Variants in PTPRD observed in about 807,000 individuals in gnomAD.
The protein encoded by PTPRD is protein tyrosine phosphatase receptor type D.
Under a neutral mutation model 214.5 loss-of-function variants are expected in PTPRD, and 34 were observed. That is an observed-to-expected ratio of 0.16 (90% confidence interval 0.12 to 0.21). The LOEUF is 0.21. PTPRD is among the 10% of genes least tolerant of loss of function. The pLI is 1.00. For missense variants in PTPRD, 2,545 were observed against 2,398.7 expected, an observed-to-expected ratio of 1.06 and a Z score of -1.27; for synonymous variants, 1,128 against 845.7, an observed-to-expected ratio of 1.33 and a Z score of -5.79.
chr9:9,892,021 G>A (rs946702244), intron 5 of PTPRD, among the ~76,000 whole-genome samples: 7 of 152,032 alleles, frequency 4.6e-5, no homozygotes, highest in Non-Finnish European at 4.4e-5. Context: ...AAAATAAGTT[G>A]AGAAGTCACT....
intron 2 of PTPRD, among the ~76,000 whole-genome samples, chr9:10,360,331 A>C (rs1323928925): frequency 1.3e-5 from 2 of 152,172 alleles, no homozygotes; most frequent in Non-Finnish European, 2.9e-5. Context: ...ACATCACAAA[A>C]CTCATCACAA....
intron 14 of PTPRD, among the ~76,000 whole-genome samples, chr9:8,560,456 C>T (rs897048861): frequency 1.4e-5 from 2 of 138,116 alleles, no homozygotes; most frequent in African/African-American, 3.2e-5. Flanking sequence ...CACACACACA[C>T]ACACACACAC....
chr9:8,807,425 A>G (rs1480419921), intron 11 of PTPRD, among the ~76,000 whole-genome samples: 4 of 152,180 alleles, frequency 2.6e-5, no homozygotes, highest in South Asian at 4.1e-4. Flanking sequence ...TTATTTGGAG[A>G]TACAAACCAC....
intron 7 of PTPRD, among the ~76,000 whole-genome samples, chr9:9,677,105 T>C (rs936148118): frequency 4.6e-5 from 7 of 152,140 alleles, no homozygotes; most frequent in African/African-American, 1.7e-4. Context: ...GTAGTTTCTT[T>C]TGATGTGCAG....
At chr9:9,783,292 C>T (rs973469244) in intron 5 of PTPRD, among the ~76,000 whole-genome samples, 1 of 152,110 alleles carries the variant, frequency 6.6e-6, no homozygotes. Context: ...TTATACAGTG[C>T]AGTGAGGAAA....
chr9:9,992,958 A>T (rs2095999318), intron 4 of PTPRD, among the ~76,000 whole-genome samples: 1 of 146,680 alleles, frequency 6.8e-6, no homozygotes, highest in Admixed American at 7.0e-5. Flanking sequence ...ATAATAATAA[A>T]AAAATAAAAT....
intron 3 of PTPRD, among the ~76,000 whole-genome samples, chr9:10,301,911 A>G (rs925614901): frequency 4.3e-4 from 65 of 152,174 alleles, no homozygotes; most frequent in Non-Finnish European, 8.7e-4. Context: ...AATTCAGGAA[A>G]TACAGAGAAC....
chr9:8,717,006 A>G (rs904199202), intron 12 of PTPRD, among the ~76,000 whole-genome samples: 1 of 152,070 alleles, frequency 6.6e-6, no homozygotes. Context: ...TGTCTACAAA[A>G]TAATACAAAA....
intron 5 of PTPRD, among the ~76,000 whole-genome samples, chr9:9,912,436 T>C (rs1166257248): frequency 6.6e-6 from 1 of 152,212 alleles, no homozygotes; most frequent in African/African-American, 2.4e-5. Flanking sequence ...TCTGGGGTTA[T>C]CTTGGACTCC....
intron 7 of PTPRD, among the ~76,000 whole-genome samples, chr9:9,611,363 C>T (rs866271518): frequency 6.6e-6 from 1 of 151,954 alleles, no homozygotes; most frequent in African/African-American, 2.4e-5. Context: ...TTGATGCTGA[C>T]CATTATAAAT....
intron 3 of PTPRD, among the ~76,000 whole-genome samples, chr9:10,256,995 C>A (rs1459263562): frequency 6.6e-6 from 1 of 152,150 alleles, no homozygotes; most frequent in East Asian, 1.9e-4. Context: ...CAATACATTT[C>A]AGGCCATGGA....
chr9:10,317,153 A>G (rs2096456768), intron 3 of PTPRD, among the ~76,000 whole-genome samples: 1 of 151,930 alleles, frequency 6.6e-6, no homozygotes, highest in African/African-American at 2.4e-5. Context: ...CACTAATGCA[A>G]AAACCTAGCC....
At chr9:9,476,069 G>A (rs2095015947) in intron 8 of PTPRD, among the ~76,000 whole-genome samples, 1 of 152,152 alleles carries the variant, frequency 6.6e-6, no homozygotes, top group Non-Finnish European at 1.5e-5. Context: ...TATGAGAATT[G>A]AAGTTGAGAA....
intron 11 of PTPRD, among the ~76,000 whole-genome samples, chr9:9,008,507 T>G (rs2099492425): frequency 6.6e-6 from 1 of 152,056 alleles, no homozygotes; most frequent in Non-Finnish European, 1.5e-5. Context: ...ATTACAGGCA[T>G]GAGCCACCGC....
At chr9:9,205,422 A>G (rs536394758) in intron 9 of PTPRD, among the ~76,000 whole-genome samples, 3 of 152,150 alleles carry the variant, frequency 2.0e-5, no homozygotes, top group Non-Finnish European at 4.4e-5. Context: ...TTATAAACAC[A>G]TGGTAATGCG....
intron 11 of PTPRD, among the ~76,000 whole-genome samples, chr9:8,788,473 C>A (rs1296341479): frequency 6.6e-6 from 1 of 151,816 alleles, no homozygotes; most frequent in African/African-American, 2.4e-5. Flanking sequence ...CGGGGTTTCT[C>A]CATGTTGGTC....
intron 14 of PTPRD, among the ~76,000 whole-genome samples, chr9:8,529,226 G>A (rs1322758805): frequency 6.6e-6 from 1 of 152,086 alleles, no homozygotes; most frequent in African/African-American, 2.4e-5. Context: ...TTTGCCGAGA[G>A]AGAAGCATGG....
chr9:10,017,155 T>C (rs1371015895), intron 4 of PTPRD, among the ~76,000 whole-genome samples: 2 of 152,222 alleles, frequency 1.3e-5, no homozygotes, highest in Non-Finnish European at 2.9e-5. Context: ...CCCAATGTTT[T>C]TAGTTTTGAC....
At chr9:8,889,495 A>G (rs1356148796) in intron 11 of PTPRD, among the ~76,000 whole-genome samples, 2 of 152,136 alleles carry the variant, frequency 1.3e-5, no homozygotes, top group African/African-American at 2.4e-5. Context: ...TGTTTGGGGA[A>G]CAGGTGGTTT....
Sources: allele counts gnomAD v4.1 joint callset (sites outside exome capture counted in the v4.1 genomes callset), GRCh38; gene constraint gnomAD v4.1.1; transcripts MANE v1.5; gene names NCBI Gene and HGNC (gene_info 2026-07-23, HGNC 2026-07-21).